Variants in PLCL1 observed in about 807,000 individuals in gnomAD.
The protein encoded by PLCL1 is phospholipase C like 1 (inactive), also known as inactive phospholipase C-like protein 1.
In PLCL1, 41 loss-of-function variants were observed where a neutral mutation model predicts 84.4. That is an observed-to-expected ratio of 0.49 (90% CI 0.38 to 0.63). The LOEUF (loss-of-function observed/expected upper bound fraction) is 0.63. Among genes scored for constraint, PLCL1 ranks in the 30% least tolerant of loss-of-function variants. The pLI, the probability that PLCL1 is intolerant of heterozygous loss-of-function variation, is 0.00. For synonymous variants in PLCL1, 490 were observed against 488.3 expected, an observed-to-expected ratio of 1.00 and a Z score of -0.05; for missense variants, 1,206 against 1,367.8, an observed-to-expected ratio of 0.88 and a Z score of 1.87.
intron 1 of PLCL1, among the ~76,000 whole-genome samples, chr2:197,949,167 A>G (rs1689340018): frequency 6.6e-6 from 1 of 152,146 alleles, no homozygotes. Context: ...GATGATGAAC[A>G]TCTGTCTATG....
intron 1 of PLCL1, among the ~76,000 whole-genome samples, chr2:197,843,610 TC>T (rs1176187346): frequency 6.6e-6 from 1 of 152,144 alleles, no homozygotes; most frequent in Non-Finnish European, 1.5e-5. Context: ...AAATGGAGTA[TC>T]CTGAACTCAC....
intron 1 of PLCL1, among the ~76,000 whole-genome samples, chr2:198,007,376 G>A (rs988441465): frequency 1.3e-5 from 2 of 151,938 alleles, no homozygotes; most frequent in Non-Finnish European, 2.9e-5. Context: ...TAACCTACTG[G>A]CTGTTTAGTT....
intron 5 of PLCL1, among the ~76,000 whole-genome samples, chr2:198,125,138 A>G (rs1250974674): frequency 2.6e-5 from 4 of 152,122 alleles, no homozygotes; most frequent in Non-Finnish European, 5.9e-5. Flanking sequence ...CCTTAGCTTA[A>G]TTCCTTAGAG....
chr2:198,048,228 C>G (rs6732340), intron 1 of PLCL1, among the ~76,000 whole-genome samples: 64,891 of 151,988 alleles, frequency 0.43, 14,865 homozygotes, highest in Middle Eastern at 0.64. Context: ...ATAGTCAACA[C>G]AGAAATTTAT....
intron 1 of PLCL1, among the ~76,000 whole-genome samples, chr2:197,899,014 C>T (rs1416886393): frequency 6.6e-6 from 1 of 152,168 alleles, no homozygotes; most frequent in Non-Finnish European, 1.5e-5. Flanking sequence ...ATATTTCTGT[C>T]TCCTTTTTGT....
chr2:198,124,787 T>C (rs1693947912), intron 5 of PLCL1, among the ~76,000 whole-genome samples: 1 of 152,144 alleles, frequency 6.6e-6, no homozygotes, highest in South Asian at 2.1e-4. Flanking sequence ...CCATAATTAG[T>C]TATTTTGGCT....
At chr2:197,947,636 G>A (rs1028313168) in intron 1 of PLCL1, among the ~76,000 whole-genome samples, 3 of 152,274 alleles carry the variant, frequency 2.0e-5, no homozygotes, top group Admixed American at 2.0e-4. Flanking sequence ...AGGCTCTGAG[G>A]CTGCAATGTA....
At chr2:197,881,671 G>A (rs1009290955) in intron 1 of PLCL1, among the ~76,000 whole-genome samples, 12 of 152,106 alleles carry the variant, frequency 7.9e-5, no homozygotes, top group Admixed American at 2.6e-4. Flanking sequence ...TCAGTATGCT[G>A]TTTGAATGCA....
intron 1 of PLCL1, among the ~76,000 whole-genome samples, chr2:197,845,168 A>C (rs940420090): frequency 2.0e-5 from 3 of 152,104 alleles, no homozygotes; most frequent in African/African-American, 2.4e-5. Flanking sequence ...AGGCAAAAAA[A>C]TGACACAAGA....
intron 1 of PLCL1, among the ~76,000 whole-genome samples, chr2:198,024,163 C>T (rs1691207200): frequency 2.0e-5 from 3 of 152,078 alleles, no homozygotes; most frequent in Admixed American, 1.3e-4. Flanking sequence ...AAACAAACAC[C>T]ACATGTTCTC....
intron 1 of PLCL1, among the ~76,000 whole-genome samples, chr2:198,072,662 C>A (rs952637879): frequency 1.3e-5 from 2 of 151,954 alleles, no homozygotes; most frequent in African/African-American, 4.8e-5. Context: ...CTTCTCTTCT[C>A]AGTTTACTGA....
intron 1 of PLCL1, among the ~76,000 whole-genome samples, chr2:198,064,768 ACTT>A (rs1358774980): frequency 2.6e-5 from 4 of 152,150 alleles, no homozygotes; most frequent in African/African-American, 9.7e-5. Context: ...TTATGACTGT[ACTT>A]CTTCTATAGG....
At chr2:198,004,503 T>C (rs1690680778) in intron 1 of PLCL1, among the ~76,000 whole-genome samples, 1 of 152,204 alleles carries the variant, frequency 6.6e-6, no homozygotes, top group South Asian at 2.1e-4. Context: ...GGCTAACTTA[T>C]CTGTAGAATG....
rs1693647400 is a variant in PLCL1, at chr2:198,112,542, C to T, written c.3105+8606C>T. ...CTTCCTCATGCCCCCTCCTCCACAG[C>T]CACAGTTCTACTGTTCAGACCTACA... On this transcript the variant is annotated intron_variant, in intron 5 of 5. Coordinates refer to ENST00000428675, the MANE Select transcript of PLCL1 (RefSeq NM_006226.4). Among the ~76,000 whole-genome samples, 2 of 151,862 alleles carry T rather than the reference C, an allele frequency of 1.3e-5. 1 individual carries two copies. The highest frequency in any genetic ancestry group is 2.9e-5 in the Non-Finnish European group (2 of 67,880).
Position 198,084,555 on chromosome 2 carries a change from C to G in PLCL1, c.1038C>G (p.Thr346=). Residue 346 remains threonine, a synonymous_variant, in exon 2 of 6, where the codon ACC becomes ACG. Transcript: ENST00000428675. ...TTTTAGAAGCTGAGCAAGGAGTCACCCATATCACCGAGGATATATGCTTAG... is the reference window on the plus strand; with the variant it reads ...TTTTAGAAGCTGAGCAAGGAGTCACGCATATCACCGAGGATATATGCTTAG... ...MLFLEAEQGV[T]HITEDICLDI... 1 of 1,613,452 alleles carries G rather than the reference C, an allele frequency of 6.2e-7. No homozygotes were observed. Among genetic ancestry groups the G allele is most frequent in the Non-Finnish European group, 8.5e-7 (1 of 1,179,428 alleles).
intron 1 of PLCL1, among the ~76,000 whole-genome samples, chr2:197,990,687 A>T (rs1574229192): frequency 6.6e-6 from 1 of 152,204 alleles, no homozygotes; most frequent in Admixed American, 6.5e-5. Flanking sequence ...CATGACACAT[A>T]AGGATTATGG....
intron 1 of PLCL1, among the ~76,000 whole-genome samples, chr2:197,906,041 C>A (rs1204621112): frequency 6.6e-6 from 1 of 152,156 alleles, no homozygotes; most frequent in Non-Finnish European, 1.5e-5. Flanking sequence ...ATGATAGTTT[C>A]TTTTGCTGTG....
chr2:197,934,279 G>C (rs998887109), intron 1 of PLCL1, among the ~76,000 whole-genome samples: 2 of 152,178 alleles, frequency 1.3e-5, no homozygotes, highest in African/African-American at 4.8e-5. Context: ...TTTAAAAGTA[G>C]TGTGAGCTGG....
chr2:197,923,966 G>A (rs1688778561), intron 1 of PLCL1, among the ~76,000 whole-genome samples: 1 of 151,798 alleles, frequency 6.6e-6, no homozygotes, highest in African/African-American at 2.4e-5. Flanking sequence ...GACCGGCCCG[G>A]CCAACACAGC....
Sources: allele counts gnomAD v4.1 joint callset (sites outside exome capture counted in the v4.1 genomes callset), GRCh38; gene constraint gnomAD v4.1.1; transcripts MANE v1.5; gene names NCBI Gene and HGNC (gene_info 2026-07-23, HGNC 2026-07-21).